Variants in GNG12 observed in about 807,000 individuals in gnomAD.
The protein encoded by GNG12 is guanine nucleotide-binding protein G(I)/G(S)/G(O) subunit gamma-12.
For synonymous variants in GNG12, 28 were observed against 29.7 expected (o/e 0.94, Z 0.19); for missense variants, 69 against 83.8 (o/e 0.82, Z 0.69).
intron 3 of GNG12, 109 bp from the exon 4 acceptor site, chr1:67,705,685 T>C (rs1050988063): frequency 7.1e-7 from 1 of 1,401,356 alleles, no homozygotes; most frequent in African/African-American, 1.5e-5. Flanking sequence ...TTGAACAAGA[T>C]AATCAGAGTC....
chr1:67,792,166 TTCTA>T (rs1454401371), intron 1 of GNG12, among the ~76,000 whole-genome samples: 6 of 152,178 alleles, frequency 3.9e-5, no homozygotes, highest in Non-Finnish European at 8.8e-5. Context: ...GCACTCTATT[TTCTA>T]TCTATTGAAT....
chr1:67,747,302 T>C (rs138642587), intron 2 of GNG12, among the ~76,000 whole-genome samples: 2 of 152,262 alleles, frequency 1.3e-5, no homozygotes, highest in African/African-American at 4.8e-5. Flanking sequence ...ATATTTTTAG[T>C]GGAGATGGGG....
intron 2 of GNG12, among the ~76,000 whole-genome samples, chr1:67,768,181 T>C (rs774784001): frequency 6.6e-6 from 1 of 152,264 alleles, no homozygotes; most frequent in African/African-American, 2.4e-5. Context: ...ATATAGACTA[T>C]TTCACTTAAT....
At chr1:67,815,624 T>C (rs1646949323) in intron 1 of GNG12, among the ~76,000 whole-genome samples, 1 of 152,170 alleles carries the variant, frequency 6.6e-6, no homozygotes, top group Admixed American at 6.5e-5. Context: ...CCTAGCAGCA[T>C]ACACCAATAA....
At chr1:67,749,138 C>T (rs1023985530) in intron 2 of GNG12, among the ~76,000 whole-genome samples, 3 of 152,036 alleles carry the variant, frequency 2.0e-5, no homozygotes, top group Non-Finnish European at 2.9e-5. Context: ...TTATAGTAAC[C>T]GCAAATAAAA....
intron 1 of GNG12, among the ~76,000 whole-genome samples, chr1:67,790,276 G>A (rs1417073770): frequency 6.6e-6 from 1 of 152,036 alleles, no homozygotes; most frequent in African/African-American, 2.4e-5. Context: ...GCCTCCACCA[G>A]GCATCCTTAC....
At chr1:67,818,413 G>GGTT (rs1255832338) in intron 1 of GNG12, among the ~76,000 whole-genome samples, 55 of 83,902 alleles carry the variant, frequency 6.6e-4, no homozygotes, top group African/African-American at 2.0e-3. Flanking sequence ...AAGACCAGGG[G>GGTT]TTTTTTTTTT....
intron 2 of GNG12, among the ~76,000 whole-genome samples, chr1:67,718,658 C>A (rs1435294383): frequency 6.6e-6 from 1 of 151,580 alleles, no homozygotes; most frequent in Non-Finnish European, 1.5e-5. Context: ...TGGCTCTCTG[C>A]AGCTCAGGTC....
At chr1:67,831,476 A>G (rs1647044420) in intron 1 of GNG12, among the ~76,000 whole-genome samples, 1 of 152,156 alleles carries the variant, frequency 6.6e-6, no homozygotes, top group South Asian at 2.1e-4. Context: ...ATTTCTACAC[A>G]AATCTAAGTG....
At chr1:67,771,392 G>A (rs1054691398) in intron 2 of GNG12, among the ~76,000 whole-genome samples, 5 of 152,212 alleles carry the variant, frequency 3.3e-5, no homozygotes, top group African/African-American at 9.6e-5. Flanking sequence ...CCAGGGTCAC[G>A]CAGGTAAGTA....
intron 2 of GNG12, among the ~76,000 whole-genome samples, chr1:67,757,612 G>A (rs777163697): frequency 1.7e-4 from 26 of 152,174 alleles, no homozygotes; most frequent in Non-Finnish European, 2.8e-4. Flanking sequence ...TTCCACTAGG[G>A]CTTTCCACCT....
intron 2 of GNG12, among the ~76,000 whole-genome samples, chr1:67,772,949 G>C (rs528054883): frequency 6.6e-6 from 1 of 152,346 alleles, no homozygotes; most frequent in East Asian, 1.9e-4. Flanking sequence ...TGAGAATGAA[G>C]CTGAGAGAGC....
At chr1:67,800,805 A>G (rs890795950) in intron 1 of GNG12, among the ~76,000 whole-genome samples, 1 of 152,134 alleles carries the variant, frequency 6.6e-6, no homozygotes, top group Non-Finnish European at 1.5e-5. Context: ...AAAACGTCAA[A>G]TAATATCTTA....
In GNG12 at chr1:67,709,960, A is replaced by C. The variant is rs1443213233; in HGVS notation, c.-26-2248T>G. Among the ~76,000 whole-genome samples the C allele has an allele frequency of 1.8e-3, 86 of 48,444 alleles. 11 individuals carry two copies. The highest frequency in any genetic ancestry group is 0.013 in the Admixed American group (34 of 2,698). 31.8% of individuals were successfully genotyped at this position (48,444 alleles called of 152,430 possible). ...GTTATATATATATAGTTATATATAT[A>C]GTTATATATATAGTTATATATATAT... On this transcript the variant is annotated intron_variant, in intron 2 of 3. Coordinates refer to ENST00000370982, the MANE Select transcript of GNG12 (RefSeq NM_018841.6).
chr1:67,776,326 T>C (rs1013309352), intron 2 of GNG12, among the ~76,000 whole-genome samples: 2 of 152,178 alleles, frequency 1.3e-5, no homozygotes, highest in Non-Finnish European at 2.9e-5. Context: ...ATGTGCCCCA[T>C]AAACACTATA....
chr1:67,800,633 T>G (rs532305671), intron 1 of GNG12, among the ~76,000 whole-genome samples: 3 of 152,200 alleles, frequency 2.0e-5, no homozygotes, highest in Non-Finnish European at 4.4e-5. Context: ...GCTCTCAAAA[T>G]TATGAGACTT....
intron 2 of GNG12, among the ~76,000 whole-genome samples, chr1:67,709,874 A>G (rs1490174541): frequency 2.5e-5 from 3 of 121,528 alleles, no homozygotes; most frequent in Non-Finnish European, 4.8e-5. Context: ...AGTTATATAT[A>G]TATTTATATA....
At chr1:67,826,945 G>A (rs541153190) in intron 1 of GNG12, among the ~76,000 whole-genome samples, 21 of 152,354 alleles carry the variant, frequency 1.4e-4, no homozygotes, top group African/African-American at 4.6e-4. Flanking sequence ...GGTCAAGGAC[G>A]TCTTGGCTAG....
chr1:67,815,751 G>C (rs1302725377), intron 1 of GNG12, among the ~76,000 whole-genome samples: 2 of 152,118 alleles, frequency 1.3e-5, no homozygotes, highest in African/African-American at 4.8e-5. Context: ...GCATGAGGGA[G>C]GATTTGTGCC....
Sources: allele counts gnomAD v4.1 joint callset (sites outside exome capture counted in the v4.1 genomes callset), GRCh38; gene constraint gnomAD v4.1.1; transcripts MANE v1.5; gene names NCBI Gene and HGNC (gene_info 2026-07-23, HGNC 2026-07-21).